Variants in GTF2IRD1 observed in about 807,000 individuals in gnomAD.
GTF2IRD1 encodes the protein general transcription factor II-I repeat domain-containing protein 1.
Under a neutral mutation model 113.2 loss-of-function variants are expected in GTF2IRD1, and 26 were observed. The ratio of observed to expected loss-of-function variants is 0.23; its 90% CI spans 0.17 to 0.32. The LOEUF is 0.32. Ranked by LOEUF, GTF2IRD1 falls within the 10% of genes least tolerant of loss-of-function variation. The probability of loss-of-function intolerance (pLI) is 1.00; values close to 1 mark genes in which losing one functional copy is unlikely to be tolerated. For synonymous variants in GTF2IRD1, 484 were observed against 529.1 expected (o/e 0.91, Z 1.17); for missense variants, 864 against 1,280.8 (o/e 0.67, Z 4.97).
At chr7:74,503,975 C>T (rs939882502) in intron 1 of GTF2IRD1, among the ~76,000 whole-genome samples, 2 of 152,096 alleles carry the variant, frequency 1.3e-5, no homozygotes, top group Non-Finnish European at 2.9e-5. Flanking sequence ...GAGTACCCAA[C>T]GTTTAGCTCC....
At chr7:74,459,522 A>G (rs1163938710) in intron 1 of GTF2IRD1, among the ~76,000 whole-genome samples, 1 of 151,854 alleles carries the variant, frequency 6.6e-6, no homozygotes, top group African/African-American at 2.4e-5. Context: ...GATGTACTTT[A>G]TCTTACACGG....
intron 1 of GTF2IRD1, among the ~76,000 whole-genome samples, chr7:74,456,409 C>T (rs561699159): frequency 9.7e-4 from 148 of 152,284 alleles, no homozygotes; most frequent in Non-Finnish European, 1.5e-3. Flanking sequence ...TCTGGCCGGG[C>T]GCAGTGGCTC....
intron 17 of GTF2IRD1, among the ~76,000 whole-genome samples, chr7:74,554,178 C>T (rs1357078057): frequency 6.6e-6 from 1 of 152,148 alleles, no homozygotes; most frequent in Non-Finnish European, 1.5e-5. Flanking sequence ...GAGCTCATTA[C>T]CTCTCTGCTC....
At chr7:74,595,187 C>T in intron 25 of GTF2IRD1, 136 bp downstream of exon 25, 1 of 522,446 alleles carries the variant, frequency 1.9e-6, no homozygotes, top group Non-Finnish European at 3.6e-6. Flanking sequence ...AGGCAGATCA[C>T]TTGAGGTCAG....
At chr7:74,564,624 C>T (rs1454279526) in intron 22 of GTF2IRD1, among the ~76,000 whole-genome samples, 3 of 152,226 alleles carry the variant, frequency 2.0e-5, no homozygotes, top group Middle Eastern at 6.8e-3. Flanking sequence ...ATGGTGGGGA[C>T]GAACGACTGT....
At chr7:74,456,667 A>G (rs187050929) in intron 1 of GTF2IRD1, among the ~76,000 whole-genome samples, 4 of 151,398 alleles carry the variant, frequency 2.6e-5, no homozygotes, top group Non-Finnish European at 5.9e-5. Flanking sequence ...TGGGCAACAG[A>G]GCAAGACTCC....
chr7:74,568,911 G>C (rs1554361755), intron 22 of GTF2IRD1, among the ~76,000 whole-genome samples: 1 of 152,186 alleles, frequency 6.6e-6, no homozygotes, highest in Non-Finnish European at 1.5e-5. Flanking sequence ...AAGAGGTTCA[G>C]GACTGGCCAG....
In GTF2IRD1 at chr7:74,519,747, C is replaced by G. The variant is rs368374937; in HGVS notation, c.916+28C>G. ...AACATTGCTGCTGGGATCTCCAAGT[C>G]TAGGGGGTGGGACAGAGGTCACTCA... On this transcript the variant is annotated intron_variant, in intron 6 of 26. Coordinates refer to ENST00000424337, the MANE Select transcript of GTF2IRD1 (RefSeq NM_005685.4). 8.7e-5 allele frequency: 131 copies of G among 1,498,144 alleles called. No individual in the cohort carries two copies. The African/African-American group carries it at 1.7e-3, about 19-fold the overall frequency. 92.8% of individuals were successfully genotyped at this position (1,498,144 alleles called of 1,614,324 possible).
At chr7:74,533,397 A>G (rs941507692) in intron 9 of GTF2IRD1, among the ~76,000 whole-genome samples, 1 of 152,038 alleles carries the variant, frequency 6.6e-6, no homozygotes, top group Non-Finnish European at 1.5e-5. Context: ...GGCTTCCCAA[A>G]GTACTGGGAT....
intron 2 of GTF2IRD1, among the ~76,000 whole-genome samples, chr7:74,510,325 G>GA (rs1386217810): frequency 7.3e-6 from 1 of 137,352 alleles, no homozygotes; most frequent in Non-Finnish European, 1.5e-5. Context: ...TTTTTTTTTG[G>GA]AGATAGGGTT....
At position 74,555,328 on chromosome 7, in the gene GTF2IRD1, G is replaced by C. The variant is rs1342788940; in HGVS notation, c.1966+105G>C. The C allele has an allele frequency of 1.4e-6, 2 of 1,461,506 alleles. No individual in the cohort carries two copies. The highest frequency in any genetic ancestry group is 2.8e-5 in the African/African-American group (2 of 71,834). The allele number at this position is 1,461,506 out of a possible 1,614,324, so 90.5% of individuals were successfully genotyped here. A position where few individuals can be genotyped will look rare whatever the true frequency, so the allele number is the denominator to read the frequency against. The stretch of plus-strand genomic sequence containing the variant: ...GCTGCCTCTGTCCTGCTCCCATCCT[G>C]GCCCTGGCATTCTCCCCACACCCCC... On this transcript the variant is annotated intron_variant, in intron 18 of 26. Transcript: ENST00000424337. The surrounding 1 kb of genome is among the most constrained non-coding windows in gnomAD (Gnocchi z 5.3).
At chr7:74,601,022 C>T (rs1802728236) in intron 25 of GTF2IRD1, 22 bp from the exon 26 acceptor site, 1 of 1,613,698 alleles carries the variant, frequency 6.2e-7, no homozygotes. Context: ...CCAGTGTCAA[C>T]AGCCTTTTCC....
rs1399541539 is a variant in GTF2IRD1, at chr7:74,512,221, G to A, written c.124-609G>A. ...ACAAAAATTAGCAAGGCGTGGTGGC[G>A]GGCGCCTGTAGTCCCAGCTACTCGG... is the stretch of plus-strand genomic sequence containing the variant. On this transcript the variant is annotated intron_variant, in intron 2 of 26. Coordinates refer to ENST00000424337, the MANE Select transcript of GTF2IRD1 (RefSeq NM_005685.4). The surrounding 1 kb of genome is among the most constrained non-coding windows in gnomAD (Gnocchi z 4.4). Among the ~76,000 whole-genome samples the A allele has an allele frequency of 2.0e-5, 3 of 152,076 alleles. No individual in the cohort carries two copies. The highest frequency in any genetic ancestry group is 4.4e-5 in the Non-Finnish European group (3 of 68,016).
chr7:74,547,935 G>A (rs1457376775), intron 17 of GTF2IRD1, among the ~76,000 whole-genome samples: 13 of 152,056 alleles, frequency 8.5e-5, no homozygotes, highest in African/African-American at 1.4e-4. Context: ...ATCAGCTCAC[G>A]GGTTCTCCAG....
At chr7:74,550,057 G>C (rs1186630085) in intron 17 of GTF2IRD1, among the ~76,000 whole-genome samples, 1 of 151,438 alleles carries the variant, frequency 6.6e-6, no homozygotes, top group Non-Finnish European at 1.5e-5. Flanking sequence ...AATTAGCCAG[G>C]CATGGTGGCA....
chr7:74,597,336 C>T (rs2131063633), intron 25 of GTF2IRD1, among the ~76,000 whole-genome samples: 1 of 150,096 alleles, frequency 6.7e-6, no homozygotes, highest in Admixed American at 6.7e-5. Context: ...GCCACTGCTA[C>T]CGGCCTTTTT....
chr7:74,460,533 C>T (rs1349600073), intron 1 of GTF2IRD1, among the ~76,000 whole-genome samples: 1 of 152,108 alleles, frequency 6.6e-6, no homozygotes, highest in Non-Finnish European at 1.5e-5. Context: ...AGGCAGTATC[C>T]TTCTAATGTC....
Position 74,587,627 on chromosome 7 carries a change from G to T in GTF2IRD1, c.2321-2224G>T, listed in dbSNP as rs190023427. ...CATGTGACCCCACGCTTCTCAGAGA[G>T]GAGATTTCCTGTTGGACATGCAAAC... On this transcript the variant is annotated intron_variant, in intron 22 of 26. Coordinates refer to ENST00000424337, the MANE Select transcript of GTF2IRD1 (RefSeq NM_005685.4). 6.6e-5 allele frequency among the ~76,000 whole-genome samples: 10 copies of T among 152,124 alleles called. No individual in the cohort carries two copies. The East Asian group carries it at 7.7e-4, about 12-fold the overall frequency.
chr7:74,503,483 G>T (rs1796139845), intron 1 of GTF2IRD1, among the ~76,000 whole-genome samples: 1 of 151,878 alleles, frequency 6.6e-6, no homozygotes, highest in East Asian at 1.9e-4. Flanking sequence ...CAGCTTTTAG[G>T]CCGGGCTGTA....
Sources: allele counts gnomAD v4.1 joint callset (sites outside exome capture counted in the v4.1 genomes callset), GRCh38; gene constraint gnomAD v4.1.1; non-coding constraint Gnocchi (gnomAD v3.1); transcripts MANE v1.5; gene names NCBI Gene and HGNC (gene_info 2026-07-23, HGNC 2026-07-21).